Variants in DLGAP1 observed in about 807,000 individuals in gnomAD.
DLGAP1 encodes DLG associated protein 1, also known as disks large-associated protein 1.
A neutral mutation model predicts 90.8 loss-of-function variants in DLGAP1; 11 were observed. The observed-to-expected ratio is 0.12, with a 90% CI of 0.08 to 0.20. The LOEUF is 0.20. Ranked by LOEUF, DLGAP1 falls within the 10% of genes least tolerant of loss-of-function variation. The probability of loss-of-function intolerance (pLI) is 1.00; values close to 1 mark genes in which losing one functional copy is unlikely to be tolerated. For synonymous variants in DLGAP1, 558 were observed against 540.7 expected (o/e 1.03, Z -0.44); for missense variants, 1,050 against 1,333.8 (o/e 0.79, Z 3.31).
chr18:3,746,331 T>C (rs143581814), intron 5 of DLGAP1, among the ~76,000 whole-genome samples: 226 of 152,130 alleles, frequency 1.5e-3, no homozygotes, highest in African/African-American at 5.2e-3. Context: ...CAATGTTTTA[T>C]GAATAAAAAA....
At chr18:3,971,652 T>C (rs6506146) in intron 3 of DLGAP1, among the ~76,000 whole-genome samples, 14,031 of 152,278 alleles carry the variant, frequency 0.092, 1,369 homozygotes, top group African/African-American at 0.25. Context: ...TGTCCATCTA[T>C]CCTTTGGTAA....
chr18:4,441,584 T>C (rs79498333), intron 1 of DLGAP1, among the ~76,000 whole-genome samples: 162 of 152,240 alleles, frequency 1.1e-3, no homozygotes, highest in African/African-American at 3.8e-3. Context: ...GACTAAAAGG[T>C]TGTGATTTTA....
At chr18:3,941,963 C>T (rs921735173) in intron 3 of DLGAP1, among the ~76,000 whole-genome samples, 1 of 152,178 alleles carries the variant, frequency 6.6e-6, no homozygotes, top group African/African-American at 2.4e-5. Context: ...GATCCTCTCA[C>T]CTCAGCCTCC....
chr18:3,781,381 T>G (rs2065184989), intron 5 of DLGAP1, among the ~76,000 whole-genome samples: 2 of 151,818 alleles, frequency 1.3e-5, no homozygotes, highest in Non-Finnish European at 2.9e-5. Context: ...GATACAGTCT[T>G]GCTCCTGTTG....
chr18:3,847,000 C>T (rs963125262), intron 4 of DLGAP1, among the ~76,000 whole-genome samples: 12 of 152,080 alleles, frequency 7.9e-5, no homozygotes, highest in African/African-American at 2.7e-4. Context: ...GTTAAATTAA[C>T]TTTACATCCC....
intron 4 of DLGAP1, among the ~76,000 whole-genome samples, chr18:3,834,036 G>A (rs779038905): frequency 6.6e-6 from 1 of 152,156 alleles, no homozygotes; most frequent in Non-Finnish European, 1.5e-5. Context: ...GCCGGGCGTG[G>A]TGGTTCACAC....
chr18:4,337,978 T>C (rs2081109497), intron 1 of DLGAP1, among the ~76,000 whole-genome samples: 1 of 152,210 alleles, frequency 6.6e-6, no homozygotes, highest in Non-Finnish European at 1.5e-5. Context: ...CAGTGGCATT[T>C]GAAACACCAC....
chr18:4,439,591 A>G (rs1407368900), intron 1 of DLGAP1, among the ~76,000 whole-genome samples: 1 of 151,862 alleles, frequency 6.6e-6, no homozygotes, highest in Non-Finnish European at 1.5e-5. Context: ...GGATTGCTAG[A>G]GGCCAGGAGT....
intron 2 of DLGAP1, among the ~76,000 whole-genome samples, chr18:4,015,660 T>C (rs909676549): frequency 6.6e-6 from 1 of 152,218 alleles, no homozygotes; most frequent in African/African-American, 2.4e-5. Flanking sequence ...AAAATGTCCT[T>C]GTCAGACCTA....
intron 7 of DLGAP1, among the ~76,000 whole-genome samples, chr18:3,634,992 T>G (rs2146227480): frequency 6.6e-6 from 1 of 152,226 alleles, no homozygotes; most frequent in South Asian, 2.1e-4. Context: ...TAGAGCAGGG[T>G]TTGGAATGAA....
chr18:4,259,634 C>A (rs1159272852), intron 1 of DLGAP1, among the ~76,000 whole-genome samples: 1 of 152,150 alleles, frequency 6.6e-6, no homozygotes, highest in Non-Finnish European at 1.5e-5. Context: ...ATCTAAATAA[C>A]CCCTTGAGCT....
At chr18:4,199,676 T>G (rs1004034236) in intron 1 of DLGAP1, among the ~76,000 whole-genome samples, 2 of 152,204 alleles carry the variant, frequency 1.3e-5, no homozygotes, top group African/African-American at 2.4e-5. Context: ...GAAAACTATG[T>G]GATGGGGAAA....
chr18:3,743,169 T>C (rs2063129526), intron 5 of DLGAP1, among the ~76,000 whole-genome samples: 4 of 152,104 alleles, frequency 2.6e-5, no homozygotes, highest in Admixed American at 2.6e-4. Context: ...AAAATGCTAA[T>C]TGCAAATAGC....
At chr18:4,031,696 G>A (rs879436415) in intron 2 of DLGAP1, among the ~76,000 whole-genome samples, 4 of 152,178 alleles carry the variant, frequency 2.6e-5, no homozygotes, top group Admixed American at 6.5e-5. Flanking sequence ...TGAGGGATCT[G>A]TCTGATGATA....
chr18:4,064,338 A>T (rs1412105509), intron 2 of DLGAP1, among the ~76,000 whole-genome samples: 1 of 152,062 alleles, frequency 6.6e-6, no homozygotes, highest in Non-Finnish European at 1.5e-5. Flanking sequence ...TCCAAAGTTA[A>T]TTTGAAAAAC....
At chr18:3,902,419 T>C (rs898265416) in intron 3 of DLGAP1, among the ~76,000 whole-genome samples, 1 of 152,340 alleles carries the variant, frequency 6.6e-6, no homozygotes, top group Middle Eastern at 3.4e-3. Flanking sequence ...AAAATCATGA[T>C]GATGCTATAT....
At chr18:3,906,066 A>C (rs538577142) in intron 3 of DLGAP1, among the ~76,000 whole-genome samples, 1 of 152,292 alleles carries the variant, frequency 6.6e-6, no homozygotes, top group South Asian at 2.1e-4. Flanking sequence ...ACGGAGTGTG[A>C]TTCACTCTCC....
chr18:4,269,535 T>A (rs1318941099), intron 1 of DLGAP1, among the ~76,000 whole-genome samples: 3 of 151,780 alleles, frequency 2.0e-5, no homozygotes, highest in Non-Finnish European at 4.4e-5. Context: ...TGTGTATTTT[T>A]AGTAGAGACG....
At chr18:4,033,344 AAATT>A (rs1341981480) in intron 2 of DLGAP1, among the ~76,000 whole-genome samples, 2 of 151,912 alleles carry the variant, frequency 1.3e-5, no homozygotes, top group African/African-American at 4.8e-5. Flanking sequence ...TAGGAAATAT[AAATT>A]ACTTAAAATT....
Sources: allele counts gnomAD v4.1 joint callset (sites outside exome capture counted in the v4.1 genomes callset), GRCh38; gene constraint gnomAD v4.1.1; transcripts MANE v1.5; gene names NCBI Gene and HGNC (gene_info 2026-07-23, HGNC 2026-07-21).